The following GBF1 variants were observed in gnomAD, a reference collection of about 807,000 sequenced individuals.
The protein encoded by GBF1 is golgi brefeldin A resistant guanine nucleotide exchange factor 1, also known as Golgi-specific brefeldin A-resistance guanine nucleotide exchange factor 1.
In GBF1, 114 loss-of-function variants were observed where a neutral mutation model predicts 210.5. That is an observed-to-expected ratio of 0.54 (90% CI 0.47 to 0.63). GBF1 has a LOEUF of 0.63. Ranked by LOEUF, GBF1 falls within the 30% of genes least tolerant of loss-of-function variation. The probability of loss-of-function intolerance (pLI) is 0.00; values close to 1 mark genes in which losing one functional copy is unlikely to be tolerated. For synonymous variants in GBF1, 850 were observed against 889.2 expected (o/e 0.96, Z 0.78); for missense variants, 1,851 against 2,357.7 (o/e 0.79, Z 4.45).
At chr10:102,308,358 T>C (rs1442268687) in intron 3 of GBF1, among the ~76,000 whole-genome samples, 3 of 152,070 alleles carry the variant, frequency 2.0e-5, no homozygotes, top group Non-Finnish European at 4.4e-5. Flanking sequence ...CAGCATAATA[T>C]TGAGTGAAAG....
At chr10:102,367,026 G>T (rs1195065544) in intron 19 of GBF1, 59 bp from the exon 20 acceptor site, 1 of 1,599,030 alleles carries the variant, frequency 6.3e-7, no homozygotes. Flanking sequence ...TGGGTTGGTA[G>T]TGAGGGTTTA....
intron 3 of GBF1, among the ~76,000 whole-genome samples, chr10:102,295,958 C>A (rs1184280636): frequency 6.6e-6 from 1 of 152,104 alleles, no homozygotes; most frequent in African/African-American, 2.4e-5. Flanking sequence ...ATACTTATAT[C>A]TTAAGTAGCG....
At chr10:102,253,636 C>A (rs898927012) in intron 1 of GBF1, among the ~76,000 whole-genome samples, 2 of 152,120 alleles carry the variant, frequency 1.3e-5, no homozygotes, top group Non-Finnish European at 2.9e-5. Context: ...ACTTCAGCCT[C>A]TCAAGTAGCT....
chr10:102,265,272 A>C (rs2073739957), intron 3 of GBF1, among the ~76,000 whole-genome samples: 1 of 152,176 alleles, frequency 6.6e-6, no homozygotes, highest in South Asian at 2.1e-4. Flanking sequence ...GGTTGTAGTC[A>C]TTTGCCTCCA....
upstream of GBF1, among the ~76,000 whole-genome samples, chr10:102,245,133 A>G (rs976213373): frequency 2.0e-5 from 3 of 152,172 alleles, no homozygotes; most frequent in Admixed American, 2.0e-4. Flanking sequence ...TAATACGTGG[A>G]CAGGGGAGTA....
At chr10:102,344,931 G>A (rs981212058) in intron 4 of GBF1, among the ~76,000 whole-genome samples, 5 of 152,162 alleles carry the variant, frequency 3.3e-5, no homozygotes, top group Admixed American at 2.0e-4. Flanking sequence ...AGTGTGAACA[G>A]CCTAGTTTGA....
chr10:102,284,454 C>G (rs1230265087), intron 3 of GBF1, among the ~76,000 whole-genome samples: 1 of 152,164 alleles, frequency 6.6e-6, no homozygotes, highest in Non-Finnish European at 1.5e-5. Context: ...AGCCATCCAT[C>G]TGCATTCTGT....
chr10:102,250,563 G>C (rs890025813), intron 1 of GBF1, among the ~76,000 whole-genome samples: 7 of 148,778 alleles, frequency 4.7e-5, no homozygotes, highest in African/African-American at 1.7e-4. Flanking sequence ...TGCCTAGGCT[G>C]GTCTCTGACT....
intron 1 of GBF1, among the ~76,000 whole-genome samples, chr10:102,257,616 G>C (rs184066457): frequency 4.5e-4 from 68 of 152,102 alleles, no homozygotes; most frequent in African/African-American, 1.6e-3. Context: ...ACCTTGTCTG[G>C]ATGCAGCCTT....
the GBF1 span, among the ~76,000 whole-genome samples, chr10:102,240,155 G>A: frequency 1.3e-5 from 2 of 152,218 alleles, no homozygotes; most frequent in Admixed American, 1.3e-4. Context: ...GAGTCTGGGG[G>A]GTGTCTGGTT....
intron 3 of GBF1, among the ~76,000 whole-genome samples, chr10:102,268,002 C>CT (rs1008876138): frequency 6.6e-6 from 1 of 152,054 alleles, no homozygotes; most frequent in Non-Finnish European, 1.5e-5. Context: ...TACTGTGATT[C>CT]TTTTTTTCCC....
chr10:102,348,593 G>A (rs1275440295), intron 4 of GBF1, among the ~76,000 whole-genome samples: 25 of 152,220 alleles, frequency 1.6e-4, no homozygotes, highest in Non-Finnish European at 3.7e-4. Flanking sequence ...GAGGCCCTGA[G>A]AGTATGGGAT....
intron 8 of GBF1, among the ~76,000 whole-genome samples, chr10:102,354,078 AT>A (rs1010989815): frequency 2.6e-5 from 4 of 152,174 alleles, no homozygotes; most frequent in African/African-American, 9.7e-5. Flanking sequence ...TATTGAAGAG[AT>A]TAGTCAAGTT....
At chr10:102,230,871 C>T in the GBF1 span, 2 of 1,605,470 alleles carry the variant, frequency 1.2e-6, no homozygotes, top group Non-Finnish European at 1.7e-6. Context: ...AGACGGGCTG[C>T]GAAGCCAGAG....
intron 3 of GBF1, among the ~76,000 whole-genome samples, chr10:102,302,225 G>T (rs1417150313): frequency 6.6e-6 from 1 of 152,238 alleles, no homozygotes; most frequent in African/African-American, 2.4e-5. Flanking sequence ...GTACAGTCCA[G>T]CTTCGGCTTG....
At chr10:102,238,443 G>T in the GBF1 span, among the ~76,000 whole-genome samples, 55 of 152,322 alleles carry the variant, frequency 3.6e-4, no homozygotes, top group African/African-American at 1.2e-3. Context: ...CTGAGCATTT[G>T]GGGAGCTCCC....
In GBF1 at chr10:102,363,395, G is replaced by T. The variant is rs2059722055; in HGVS notation, c.2016G>T (p.Gly672=). 1.2e-6 allele frequency: 2 copies of T among 1,612,944 alleles called. No homozygotes were observed. Among genetic ancestry groups the T allele is most frequent in the African/African-American group, 1.3e-5 (1 of 74,896 alleles). The change falls in exon 16 of 40, where the codon GGG becomes GGT. Residue 672 remains glycine (G), a splice_region_variant and synonymous_variant. Transcript: ENST00000369983. This position sits in a 1 kb window ranked among gnomAD's most constrained non-coding sequence, Gnocchi z 4.2. ...ATCTGGAGGAAGCTGTTGACTCTGG[G>T]GGTGGGTACTGGGTGTCCATGACCC... The part of the protein sequence containing the change: ...CSDLEEAVDS[G]ADKKFARKPP...
chr10:102,324,617 C>T (rs547012228), intron 3 of GBF1, among the ~76,000 whole-genome samples: 120 of 152,024 alleles, frequency 7.9e-4, no homozygotes, highest in Middle Eastern at 3.4e-3. Flanking sequence ...GACGGAGTTT[C>T]GCTCTGTCAC....
At chr10:102,318,018 C>T (rs1047265840) in intron 3 of GBF1, among the ~76,000 whole-genome samples, 1 of 152,134 alleles carries the variant, frequency 6.6e-6, no homozygotes, top group Admixed American at 6.5e-5. Context: ...ACGCCATTCT[C>T]CTGCCTCAGC....
Sources: gnomAD v4.1 joint callset for allele counts (sites outside exome capture counted in the v4.1 genomes callset) on GRCh38, gnomAD v4.1.1 for gene constraint, Gnocchi (gnomAD v3.1) non-coding constraint, MANE v1.5 for transcripts, NCBI Gene and HGNC (gene_info 2026-07-23, HGNC 2026-07-21) for gene names.